FGF13: variants seen among roughly 807,000 people sequenced by gnomAD.
The protein encoded by FGF13 is fibroblast growth factor 13.
FGF13 carries 2 observed loss-of-function variants against 19.5 expected under a neutral mutation model. The ratio of observed to expected loss-of-function variants is 0.10; its 90% CI spans 0.04 to 0.32. The LOEUF (loss-of-function observed/expected upper bound fraction) is 0.32. FGF13 is among the 10% of genes least tolerant of loss of function. FGF13 has a pLI of 1.00. For missense variants in FGF13, 113 were observed against 192.7 expected, an observed-to-expected ratio of 0.59 and a Z score of 2.45; for synonymous variants, 72 against 76.9, an observed-to-expected ratio of 0.94 and a Z score of 0.33.
At chrX:138,999,776 A>T (rs1314677995) in intron 1 of FGF13, among the ~76,000 whole-genome samples, 1 of 112,228 alleles carries the variant, frequency 8.9e-6, no homozygotes, top group African/African-American at 3.2e-5. Context: ...AGCTGGTACC[A>T]TTCCTTCTGA....
chrX:139,159,675 GTGTGGGTTATAA>G (rs1282008373), intron 1 of FGF13, among the ~76,000 whole-genome samples: 1 of 84,679 alleles, frequency 1.2e-5, no homozygotes, highest in Non-Finnish European at 2.2e-5. Flanking sequence ...AAAAAAAACA[GTGTGGGTTATAA>G]TCCTAGTCTC....
rs770917685 is a variant in FGF13, at chrX:138,988,610, A to G, written c.-112-123960T>C. Among the ~76,000 whole-genome samples, 297 of 112,432 alleles carry G rather than the reference A, an allele frequency of 2.6e-3. 2 individuals carry two copies. The highest frequency in any genetic ancestry group is 4.4e-3 in the Non-Finnish European group (234 of 53,269). On this transcript the variant is annotated intron_variant, in intron 1 of 2. Transcript: ENST00000421460. ...TAGTATGCAGAGGGAGTATGCAGGC[A>G]TTAGTATATATGATTGCAACATGTG...
At chrX:139,089,244 C>T (rs5976268) in intron 1 of FGF13, among the ~76,000 whole-genome samples, 3,916 of 111,649 alleles carry the variant, frequency 0.035, 187 homozygotes, top group African/African-American at 0.12. Flanking sequence ...AATCTTGGCA[C>T]ACAGGAAATC....
At chrX:138,762,329 T>G (rs1034259853) in intron 3 of FGF13, among the ~76,000 whole-genome samples, 2 of 111,705 alleles carry the variant, frequency 1.8e-5, no homozygotes, top group African/African-American at 6.5e-5. Context: ...CACTGAAATC[T>G]CTACTTACTG....
At chrX:138,920,018 C>A (rs755473929) in intron 1 of FGF13, among the ~76,000 whole-genome samples, 69 of 110,638 alleles carry the variant, frequency 6.2e-4, no homozygotes, top group African/African-American at 2.2e-3. Context: ...ATAGTTATTT[C>A]AAAATAAAAA....
intron 2 of FGF13, among the ~76,000 whole-genome samples, chrX:138,861,193 C>T (rs765561499): frequency 8.9e-6 from 1 of 112,180 alleles, no homozygotes; most frequent in East Asian, 2.8e-4. Context: ...AGGACACAGT[C>T]AGGGAGCAGT....
chrX:138,967,564 G>C (rs2124312852), intron 1 of FGF13, among the ~76,000 whole-genome samples: 1 of 111,030 alleles, frequency 9.0e-6, no homozygotes, highest in South Asian at 3.9e-4. Flanking sequence ...TGGATAAAGG[G>C]AAAGAGGCCT....
At chrX:138,846,207 G>T (rs2091181812) in intron 3 of FGF13, among the ~76,000 whole-genome samples, 1 of 109,628 alleles carries the variant, frequency 9.1e-6, no homozygotes, top group Non-Finnish European at 1.9e-5. Flanking sequence ...GTGTGTGTGT[G>T]TGTGTGTGTG....
intron 3 of FGF13, among the ~76,000 whole-genome samples, chrX:138,675,153 C>G (rs1402569443): frequency 8.9e-6 from 1 of 111,797 alleles, no homozygotes; most frequent in East Asian, 2.8e-4. Flanking sequence ...ACGTTTCTAT[C>G]AGTTTGCTAC....
chrX:138,622,235 C>G lies in FGF13; in HGVS notation c.*10615G>C, dbSNP rs758206783. ...AATACTAGCTAAAAGAACTTAACATCACATTAAAAAGATCATTCACCATAA... is the reference window on the plus strand; with the variant it reads ...AATACTAGCTAAAAGAACTTAACATGACATTAAAAAGATCATTCACCATAA... On this transcript the variant is annotated 3_prime_UTR_variant, in exon 5 of 5. Transcript: ENST00000315930. 9.0e-6 allele frequency: 1 copy of G among 111,534 alleles called. No homozygotes were observed. Among genetic ancestry groups the G allele is most frequent in the South Asian group, 3.8e-4 (1 of 2,662 alleles). The allele number at this position is 111,534 out of a possible 1,213,427, so 9.2% of individuals were successfully genotyped here.
chrX:138,889,657 A>G (rs1603002549), intron 1 of FGF13, among the ~76,000 whole-genome samples: 1 of 111,186 alleles, frequency 9.0e-6, no homozygotes, highest in African/African-American at 3.3e-5. Context: ...ATGACAAATA[A>G]CTCTAAGCAG....
chrX:138,668,206 G>T (rs1009124218), intron 3 of FGF13, among the ~76,000 whole-genome samples: 7 of 111,141 alleles, frequency 6.3e-5, no homozygotes, highest in Non-Finnish European at 1.3e-4. Context: ...ACCCTATGAG[G>T]TCTATACTAC....
intron 1 of FGF13, among the ~76,000 whole-genome samples, chrX:139,148,912 T>C (rs2083911946): frequency 9.0e-6 from 1 of 111,247 alleles, no homozygotes; most frequent in South Asian, 3.8e-4. Context: ...ACCCAGAACA[T>C]AGGAATTTGT....
chrX:138,953,885 G>T (rs1282676095), intron 1 of FGF13, among the ~76,000 whole-genome samples: 1 of 109,718 alleles, frequency 9.1e-6, no homozygotes, highest in Non-Finnish European at 1.9e-5. Context: ...CCAACATGTG[G>T]TAAAAAAAAA....
upstream of FGF13, among the ~76,000 whole-genome samples, chrX:138,714,506 A>G (rs910692534): frequency 2.7e-5 from 3 of 111,228 alleles, no homozygotes; most frequent in East Asian, 2.8e-4. Context: ...TTAGCCAGGC[A>G]TGGTGGCGCC....
At chrX:138,962,835 G>A (rs750880536) in intron 1 of FGF13, among the ~76,000 whole-genome samples, 8 of 111,026 alleles carry the variant, frequency 7.2e-5, no homozygotes, top group South Asian at 3.9e-4. Flanking sequence ...ATCACACACC[G>A]GGGCCTGTGA....
At chrX:139,156,122 G>C (rs1313810109) in intron 1 of FGF13, among the ~76,000 whole-genome samples, 1 of 112,122 alleles carries the variant, frequency 8.9e-6, no homozygotes. Flanking sequence ...ACAAAATGAT[G>C]AACATAAAAT....
intron 3 of FGF13, among the ~76,000 whole-genome samples, chrX:138,789,284 T>C (rs1170132231): frequency 9.1e-6 from 1 of 109,560 alleles, no homozygotes; most frequent in African/African-American, 3.3e-5. Flanking sequence ...TTCTGCTGCC[T>C]CAGCCTCCCA....
intron 1 of FGF13, among the ~76,000 whole-genome samples, chrX:139,123,843 T>G (rs1475732797): frequency 8.9e-6 from 1 of 112,243 alleles, no homozygotes; most frequent in Non-Finnish European, 1.9e-5. Flanking sequence ...CCTTCGCAGG[T>G]GGTAAAATTA....
Sources: gnomAD v4.1 joint callset for allele counts (sites outside exome capture counted in the v4.1 genomes callset) on GRCh38, gnomAD v4.1.1 for gene constraint, MANE v1.5 for transcripts, NCBI Gene and HGNC (gene_info 2026-07-23, HGNC 2026-07-21) for gene names.